The following FAM20A variants were observed in gnomAD, a reference collection of about 807,000 sequenced individuals.
The protein encoded by FAM20A is FAM20A golgi associated secretory pathway pseudokinase, also known as pseudokinase FAM20A.
In FAM20A, 42 loss-of-function variants were observed where a neutral mutation model predicts 52.0. The ratio of observed to expected loss-of-function variants is 0.81; its 90% CI spans 0.63 to 1.04. The LOEUF (loss-of-function observed/expected upper bound fraction) is 1.04, where lower values mean the gene tolerates loss of function less well. Ranked by LOEUF, FAM20A falls within the 50% of genes least tolerant of loss-of-function variation. The probability of loss-of-function intolerance (pLI) is 0.00; values close to 1 mark genes in which losing one functional copy is unlikely to be tolerated. For synonymous variants in FAM20A, 304 were observed against 298.9 expected, an observed-to-expected ratio of 1.02 and a Z score of -0.18; for missense variants, 742 against 712.7, an observed-to-expected ratio of 1.04 and a Z score of -0.47.
At chr17:68,591,134 T>A (rs1349063989) in intron 1 of FAM20A, among the ~76,000 whole-genome samples, 3 of 150,226 alleles carry the variant, frequency 2.0e-5, no homozygotes, top group Non-Finnish European at 4.5e-5. Flanking sequence ...TGAGAGGGAG[T>A]CTCACTCTGT....
chr17:68,548,863 G>T (rs1370125654), intron 4 of FAM20A, among the ~76,000 whole-genome samples: 1 of 150,308 alleles, frequency 6.7e-6, no homozygotes, highest in African/African-American at 2.5e-5. Context: ...CTCCCGAGCA[G>T]CTGGGACTAC....
At chr17:68,566,190 A>G (rs76456380) in intron 1 of FAM20A, among the ~76,000 whole-genome samples, 4,353 of 152,220 alleles carry the variant, frequency 0.029, 212 homozygotes, top group African/African-American at 0.1. Flanking sequence ...AATTTTCATA[A>G]AACTCCAATT....
At chr17:68,568,431 G>T (rs1293508442) in intron 1 of FAM20A, among the ~76,000 whole-genome samples, 1 of 151,658 alleles carries the variant, frequency 6.6e-6, no homozygotes, top group Non-Finnish European at 1.5e-5. Flanking sequence ...TCGCGTCACT[G>T]CACTCCAGCC....
intron 4 of FAM20A, among the ~76,000 whole-genome samples, chr17:68,550,154 G>T (rs1029880820): frequency 6.6e-6 from 1 of 152,112 alleles, no homozygotes; most frequent in Non-Finnish European, 1.5e-5. Flanking sequence ...TCTAAGTGAT[G>T]ATGACAACCA....
chr17:68,559,146 C>CT (rs1177504136), intron 1 of FAM20A, among the ~76,000 whole-genome samples: 2 of 152,196 alleles, frequency 1.3e-5, no homozygotes, highest in African/African-American at 2.4e-5. Context: ...TTCTAAGTGT[C>CT]TAAGTTTGTG....
chr17:68,599,811 G>A (rs1265580448), intron 1 of FAM20A, among the ~76,000 whole-genome samples: 1 of 152,150 alleles, frequency 6.6e-6, no homozygotes, highest in Non-Finnish European at 1.5e-5. Context: ...TACCCAAAGA[G>A]CACAGTTAAG....
chr17:68,541,790 G>T (rs930901202), intron 7 of FAM20A, 195 bp downstream of exon 7: 32 of 617,782 alleles, frequency 5.2e-5, no homozygotes, highest in Non-Finnish European at 7.2e-5. Context: ...TATATGGAAG[G>T]TTCTTTAGAA....
intron 1 of FAM20A, among the ~76,000 whole-genome samples, chr17:68,584,421 G>A (rs948235631): frequency 6.6e-6 from 1 of 152,136 alleles, no homozygotes. Flanking sequence ...ACACAAAAAG[G>A]CATTAAGTGG....
chr17:68,572,002 A>ATC lies in FAM20A; in HGVS notation c.405-16260_405-16259insGA, dbSNP rs1251998255. Among the ~76,000 whole-genome samples the ATC allele has an allele frequency of 3.3e-3, 105 of 32,088 alleles. 2 individuals carry two copies. Among genetic ancestry groups the ATC allele is most frequent in the African/African-American group, 0.014 (104 of 7,206 alleles). The allele number at this position is 32,088 out of a possible 152,430, so 21.1% of individuals were successfully genotyped here. On this transcript the variant is annotated intron_variant, in intron 1 of 10. Coordinates refer to ENST00000592554, the MANE Select transcript of FAM20A (RefSeq NM_017565.4). Reference sequence around the variant, plus strand: ...TATATACATACATATATATATATATATATATATATATATATATATATATAT... The same window carrying ATC: ...TATATACATACATATATATATATATATCTATATATATATATATATATATATAT...
intron 4 of FAM20A, among the ~76,000 whole-genome samples, chr17:68,544,707 T>TA (rs1263828908): frequency 1.7e-4 from 26 of 151,036 alleles, no homozygotes; most frequent in Non-Finnish European, 2.2e-4. Flanking sequence ...CAGCCACCGT[T>TA]ACAGCACAAC....
In FAM20A at chr17:68,554,868, T is replaced by C. The variant is rs769489706; in HGVS notation, c.590-41A>G. 2.9e-5 allele frequency: 47 copies of C among 1,603,832 alleles called. No individual in the cohort carries two copies. In the Admixed American group the frequency reaches 6.7e-4, roughly 23 times the overall value. On this transcript the variant is annotated intron_variant, in intron 2 of 10. Transcript: ENST00000592554. ...AGGGCAATGAGAACTTCCAGTCTTG[T>C]TCCTGGGAGAGCCTACAACATGGAG...
Position 68,537,252 on chromosome 17 carries a change from G to C in FAM20A, c.*225C>G. ...CGTCGGTGGCCTTGATGAAGCCAGT[G>C]CTTTTTGGGAAAAACGGAGCAAGGC... On this transcript the variant is annotated 3_prime_UTR_variant, in exon 11 of 11. Transcript: ENST00000592554. This position sits in a 1 kb window ranked among gnomAD's most constrained non-coding sequence, Gnocchi z 4.2. 1 of 694,682 alleles carries C rather than the reference G, an allele frequency of 1.4e-6. No homozygotes were observed. Among genetic ancestry groups the C allele is most frequent in the Non-Finnish European group, 2.6e-6 (1 of 387,218 alleles). The allele number at this position is 694,682 out of a possible 1,614,324, so 43.0% of individuals were successfully genotyped here. A position where few individuals can be genotyped will look rare whatever the true frequency, so the allele number is the denominator to read the frequency against.
chr17:68,562,576 C>T (rs142167723), intron 1 of FAM20A, among the ~76,000 whole-genome samples: 1 of 152,208 alleles, frequency 6.6e-6, no homozygotes, highest in East Asian at 1.9e-4. Flanking sequence ...CTTTCTCATT[C>T]CTCCATGTGT....
At chr17:68,548,617 G>A (rs1274494310) in intron 4 of FAM20A, among the ~76,000 whole-genome samples, 2 of 151,732 alleles carry the variant, frequency 1.3e-5, no homozygotes, top group Non-Finnish European at 2.9e-5. Context: ...AAATGACACC[G>A]ATAGACTTGC....
chr17:68,566,352 A>C (rs2087376385), intron 1 of FAM20A, among the ~76,000 whole-genome samples: 1 of 152,206 alleles, frequency 6.6e-6, no homozygotes, highest in Non-Finnish European at 1.5e-5. Context: ...GGTACTTAAC[A>C]CTGATTATGG....
intron 4 of FAM20A, among the ~76,000 whole-genome samples, chr17:68,550,539 C>G (rs1335794368): frequency 6.6e-6 from 1 of 151,990 alleles, no homozygotes; most frequent in East Asian, 1.9e-4. Flanking sequence ...CACCACCATA[C>G]CTGGATAATT....
chr17:68,600,296 C>A lies in FAM20A; in HGVS notation c.371G>T (p.Arg124Leu), dbSNP rs371387813. The part of the protein sequence containing the change: ...DSLLASQEAL[R>L]YYRRKVARWN... ...GCGGGCCACCTTCCTCCGGTAATAC[C>A]GCAGCGCCTCCTGGCTGGCCAGGAG... Residue 124 changes from arginine to leucine, a missense_variant, in exon 1 of 11, where the codon CGG becomes CTG. Transcript: ENST00000592554. The surrounding 1 kb of genome is among the most constrained non-coding windows in gnomAD (Gnocchi z 6.2). The A allele has an allele frequency of 6.3e-7, 1 of 1,578,596 alleles. No homozygotes were observed. Among genetic ancestry groups the A allele is most frequent in the Non-Finnish European group, 8.6e-7 (1 of 1,162,630 alleles).
chr17:68,578,523 A>G (rs1042253687), intron 1 of FAM20A, among the ~76,000 whole-genome samples: 21 of 152,172 alleles, frequency 1.4e-4, no homozygotes, highest in Non-Finnish European at 2.4e-4. Flanking sequence ...ATGTGGTAGG[A>G]TAATTTATTG....
intron 7 of FAM20A, 83 bp from the exon 8 acceptor site, chr17:68,541,041 C>T: frequency 1.9e-6 from 3 of 1,542,206 alleles, no homozygotes; most frequent in Non-Finnish European, 2.6e-6. Context: ...CCCTGCCCCC[C>T]CAATCCCTGC....
Sources: gnomAD v4.1 joint callset for allele counts (sites outside exome capture counted in the v4.1 genomes callset) on GRCh38, gnomAD v4.1.1 for gene constraint, Gnocchi (gnomAD v3.1) non-coding constraint, MANE v1.5 for transcripts, NCBI Gene and HGNC (gene_info 2026-07-23, HGNC 2026-07-21) for gene names.